P2RY14: variants seen among roughly 807,000 people sequenced by gnomAD.
P2RY14 encodes P2Y purinoceptor 14.
A neutral mutation model predicts 0.9 loss-of-function variants in P2RY14; 2 were observed. That is an observed-to-expected ratio of 2.16 (90% confidence interval 0.88 to 6.79). The LOEUF (loss-of-function observed/expected upper bound fraction) is 6.79, where lower values mean the gene tolerates loss of function less well. Among genes scored for constraint, P2RY14 ranks in the 30% most tolerant of loss-of-function variants. The pLI is 0.05. For missense variants in P2RY14, 378 were observed against 400.1 expected, an observed-to-expected ratio of 0.94 and a Z score of 0.47; for synonymous variants, 158 against 147.2, an observed-to-expected ratio of 1.07 and a Z score of -0.53.
intron 1 of P2RY14, among the ~76,000 whole-genome samples, chr3:151,275,221 A>T (rs1455220584): frequency 6.6e-6 from 1 of 152,124 alleles, no homozygotes; most frequent in African/African-American, 2.4e-5. Context: ...TTTTTCCCCA[A>T]GTGATCACAC....
chr3:151,270,113 G>A (rs1384703751), intron 1 of P2RY14: 4 of 240,646 alleles, frequency 1.7e-5, no homozygotes, highest in South Asian at 5.1e-5. Flanking sequence ...GAAAGAAAGG[G>A]GGTGAAGGAG....
intron 1 of P2RY14, among the ~76,000 whole-genome samples, chr3:151,229,932 A>G (rs1731300126): frequency 6.6e-6 from 1 of 151,982 alleles, no homozygotes; most frequent in Admixed American, 6.6e-5. Context: ...TTTACTTTTT[A>G]TGAGTCCTAG....
intron 1 of P2RY14, among the ~76,000 whole-genome samples, chr3:151,274,106 A>C (rs937667888): frequency 6.6e-6 from 1 of 152,248 alleles, no homozygotes; most frequent in Non-Finnish European, 1.5e-5. Flanking sequence ...TGGTGCAGAT[A>C]TCTGATGAAC....
At chr3:151,275,548 AC>A (rs1183306690) in intron 1 of P2RY14, among the ~76,000 whole-genome samples, 1 of 152,202 alleles carries the variant, frequency 6.6e-6, no homozygotes, top group African/African-American at 2.4e-5. Flanking sequence ...TTTCACTTTG[AC>A]TTTAAAGAAC....
intron 1 of P2RY14, among the ~76,000 whole-genome samples, chr3:151,242,079 G>A (rs1188418494): frequency 3.9e-5 from 6 of 152,040 alleles, no homozygotes; most frequent in African/African-American, 1.2e-4. Flanking sequence ...CTTAAAAAAC[G>A]GGGCACCACG....
Position 151,221,754 on chromosome 3 carries a change from C to T in P2RY14, c.-132-2112G>A, listed in dbSNP as rs187790790. On this transcript the variant is annotated intron_variant, in intron 1 of 2. Transcript: ENST00000309170. ...GCAGAAGTTTGCTGCAGGGGCAGGGCTCTCATGGAGAACCTCTGCTAGGGC... is the reference window on the plus strand; with the variant it reads ...GCAGAAGTTTGCTGCAGGGGCAGGGTTCTCATGGAGAACCTCTGCTAGGGC... Among the ~76,000 whole-genome samples, 136 of 152,336 alleles carry T rather than the reference C, an allele frequency of 8.9e-4. 1 individual carries two copies. Among genetic ancestry groups the T allele is most frequent in the Admixed American group, 1.1e-3 (17 of 15,306 alleles).
intron 1 of P2RY14, among the ~76,000 whole-genome samples, chr3:151,236,934 C>G (rs1034095012): frequency 6.6e-6 from 1 of 151,144 alleles, no homozygotes; most frequent in Non-Finnish European, 1.5e-5. Context: ...AGATGCATAT[C>G]TTTGTTGCCT....
At chr3:151,248,987 A>G (rs1024538976) in intron 1 of P2RY14, 3 of 152,200 alleles carry the variant, frequency 2.0e-5, no homozygotes, top group African/African-American at 7.2e-5. Flanking sequence ...CCAGTGGGAA[A>G]CACTGCATTA....
chr3:151,218,025 C>G lies in P2RY14; in HGVS notation c.-25+1510G>C, dbSNP rs1034437503. Among the ~76,000 whole-genome samples the G allele has an allele frequency of 3.3e-5, 5 of 152,138 alleles. No homozygotes were observed. The East Asian group carries it at 9.6e-4, about 29-fold the overall frequency. On this transcript the variant is annotated intron_variant, in intron 2 of 2. Coordinates refer to ENST00000309170, the MANE Select transcript of P2RY14 (RefSeq NM_014879.4). ...TAAAAAAGACATGCATCATTTGGAC[C>G]TCGTGATATCTACTCAGTCTCCTCT...
intron 1 of P2RY14, among the ~76,000 whole-genome samples, chr3:151,223,426 G>A (rs768508236): frequency 3.3e-5 from 5 of 152,096 alleles, no homozygotes; most frequent in Non-Finnish European, 7.4e-5. Flanking sequence ...AATAGCAAAG[G>A]CATAGAATCA....
At chr3:151,221,378 T>TA (rs376697840) in intron 1 of P2RY14, among the ~76,000 whole-genome samples, 81 of 152,352 alleles carry the variant, frequency 5.3e-4, no homozygotes, top group African/African-American at 1.9e-3. Flanking sequence ...AGCTGAATGT[T>TA]AATCACCAAG....
In P2RY14 at chr3:151,213,824, T is replaced by G; in HGVS notation, c.493A>C (p.Arg165=). 1 of 1,614,138 alleles carries G rather than the reference T, an allele frequency of 6.2e-7. No homozygotes were observed. The highest frequency in any genetic ancestry group is 2.2e-5 in the East Asian group (1 of 44,888). The change falls in exon 3 of 3, where the codon AGG becomes CGG. Residue 165 remains arginine (R), a synonymous_variant. Transcript: ENST00000309170. ...PNIILTNQSV[R]EVTQIKCIEL... is the part of the protein sequence containing the mutation. ...ATACATTTTATTTGTGTAACCTCCC[T>G]AACACTCTGGTTGGTGAGAATAATA...
At chr3:151,255,847 A>G (rs1422791936) in intron 1 of P2RY14, among the ~76,000 whole-genome samples, 1 of 152,214 alleles carries the variant, frequency 6.6e-6, no homozygotes, top group Middle Eastern at 3.2e-3. Flanking sequence ...AGGAGACCTC[A>G]GGCTGGTAAT....
At chr3:151,266,453 C>CG (rs1434159114) in intron 1 of P2RY14, among the ~76,000 whole-genome samples, 1 of 152,158 alleles carries the variant, frequency 6.6e-6, no homozygotes. Flanking sequence ...ACACAGGTTG[C>CG]CTAGACTCTA....
intron 1 of P2RY14, among the ~76,000 whole-genome samples, chr3:151,236,331 T>A (rs1732790637): frequency 6.6e-6 from 1 of 152,240 alleles, no homozygotes; most frequent in Non-Finnish European, 1.5e-5. Flanking sequence ...CATAGTAGAT[T>A]AACATATATA....
chr3:151,240,178 T>C (rs905204417), intron 1 of P2RY14, among the ~76,000 whole-genome samples: 1 of 152,046 alleles, frequency 6.6e-6, no homozygotes, highest in African/African-American at 2.4e-5. Context: ...TGTAGATTAC[T>C]TAAGGTAGTA....
At position 151,214,176 on chromosome 3, in the gene P2RY14, G is replaced by C; in HGVS notation, c.141C>G (p.Phe47Leu). 3.1e-6 allele frequency: 5 copies of C among 1,614,160 alleles called. No homozygotes were observed. Among genetic ancestry groups the C allele is most frequent in the African/African-American group, 1.3e-5 (1 of 75,052 alleles). ...AACTCTTAGAGCTGGGCACGTAAAA[G>C]AATATCCATCCTGACACTCCATTGA... The part of the protein sequence containing the change: ...ILLNGVSGWI[F>L]FYVPSSKSFI... Residue 47 changes from phenylalanine to leucine, a missense_variant, in exon 3 of 3, where the codon TTC becomes TTG. Physicochemically the swap from Phe to Leu is conservative, Grantham distance 22 (BLOSUM62 0). Coordinates refer to ENST00000309170, the MANE Select transcript of P2RY14 (RefSeq NM_014879.4).
intron 1 of P2RY14, among the ~76,000 whole-genome samples, chr3:151,240,978 G>A (rs1733955450): frequency 6.6e-6 from 1 of 152,206 alleles, no homozygotes; most frequent in African/African-American, 2.4e-5. Flanking sequence ...GGCAAGAATA[G>A]AAGGCCTTTT....
chr3:151,274,511 A>G lies in P2RY14; in HGVS notation c.-133+3776T>C, dbSNP rs969500972. Among the ~76,000 whole-genome samples the G allele has an allele frequency of 1.6e-4, 25 of 152,362 alleles. 1 individual carries two copies. Among genetic ancestry groups the G allele is most frequent in the Non-Finnish European group, 3.7e-4 (25 of 68,038 alleles). The stretch of plus-strand genomic sequence containing the variant: ...AGTTTTGGGGGCCAGGAGAGAAAGA[A>G]CATTCAACACTAAAGGCCACCTCCT... On this transcript the variant is annotated intron_variant, in intron 1 of 2. Coordinates refer to ENST00000309170, the MANE Select transcript of P2RY14 (RefSeq NM_014879.4).
Sources: gnomAD v4.1 joint callset for allele counts (sites outside exome capture counted in the v4.1 genomes callset) on GRCh38, gnomAD v4.1.1 for gene constraint, MANE v1.5 for transcripts, NCBI Gene and HGNC (gene_info 2026-07-23, HGNC 2026-07-21) for gene names.